Variants in PEX5L observed in about 807,000 individuals in gnomAD.
PEX5L encodes the protein peroxisomal biogenesis factor 5 like, also known as PEX5-related protein.
In PEX5L, 30 loss-of-function variants were observed where a neutral mutation model predicts 84.0. That is an observed-to-expected ratio of 0.36 (90% CI 0.27 to 0.48). The LOEUF (loss-of-function observed/expected upper bound fraction) is 0.48, where lower values mean the gene tolerates loss of function less well. Among genes scored for constraint, PEX5L ranks in the 20% least tolerant of loss-of-function variants. PEX5L has a pLI of 0.99. For missense variants in PEX5L, 533 were observed against 754.6 expected (o/e 0.71, Z 3.44); for synonymous variants, 270 against 283.1 (o/e 0.95, Z 0.46).
At position 179,989,149 on chromosome 3, in the gene PEX5L, T is replaced by C. The variant is rs189454588; in HGVS notation, c.22-17484A>G. ...ATGGAACAGAGCTAAGTTGTCTGGT[T>C]CTACCCACTATAGGCAGACAGGGAC... is the stretch of plus-strand genomic sequence containing the variant. On this transcript the variant is annotated intron_variant, in intron 1 of 14. Coordinates refer to ENST00000467460, the MANE Select transcript of PEX5L (RefSeq NM_016559.3). Among the ~76,000 whole-genome samples the C allele has an allele frequency of 1.9e-3, 290 of 152,280 alleles. 1 individual carries two copies. The highest frequency in any genetic ancestry group is 6.6e-3 in the African/African-American group (274 of 41,552).
At chr3:179,828,505 C>A (rs1279370565) in intron 8 of PEX5L, among the ~76,000 whole-genome samples, 1 of 152,122 alleles carries the variant, frequency 6.6e-6, no homozygotes, top group Non-Finnish European at 1.5e-5. Context: ...ACCTGCCTGG[C>A]CCTGTAGCCA....
chr3:179,888,208 T>C, intron 3 of PEX5L: 4 of 1,276,076 alleles, frequency 3.1e-6, no homozygotes, highest in South Asian at 2.5e-5. Flanking sequence ...TCAGTGTTTA[T>C]GTGGGGAGTG....
intron 2 of PEX5L, among the ~76,000 whole-genome samples, chr3:179,967,833 G>A (rs1381615491): frequency 6.6e-6 from 1 of 152,176 alleles, no homozygotes; most frequent in Non-Finnish European, 1.5e-5. Flanking sequence ...ACTTAGAAAT[G>A]CAAATTGTCA....
At chr3:179,891,010 T>C (rs1757457432) in intron 3 of PEX5L, among the ~76,000 whole-genome samples, 2 of 151,854 alleles carry the variant, frequency 1.3e-5, no homozygotes, top group South Asian at 2.1e-4. Context: ...ATTCAAACTT[T>C]GGACAAATTT....
At chr3:179,969,082 A>G (rs1297199901) in intron 2 of PEX5L, among the ~76,000 whole-genome samples, 1 of 152,048 alleles carries the variant, frequency 6.6e-6, no homozygotes, top group Non-Finnish European at 1.5e-5. Context: ...TGACTGATAA[A>G]ATGGCATATA....
At chr3:179,933,269 G>A (rs905220906) in intron 2 of PEX5L, among the ~76,000 whole-genome samples, 1 of 152,118 alleles carries the variant, frequency 6.6e-6, no homozygotes, top group African/African-American at 2.4e-5. Flanking sequence ...CCAGGAAATC[G>A]ACAGCCAGTC....
chr3:179,931,185 T>C (rs184390368), intron 2 of PEX5L, among the ~76,000 whole-genome samples: 1 of 152,354 alleles, frequency 6.6e-6, no homozygotes, highest in African/African-American at 2.4e-5. Flanking sequence ...GTGTCTATTG[T>C]TGTGTTCAAG....
intron 7 of PEX5L, among the ~76,000 whole-genome samples, chr3:179,870,689 G>C (rs963871387): frequency 6.6e-6 from 1 of 152,100 alleles, no homozygotes; most frequent in Non-Finnish European, 1.5e-5. Context: ...GGATATTTAG[G>C]CTCCAATCAT....
chr3:180,007,362 C>T (rs1032666485), intron 1 of PEX5L, among the ~76,000 whole-genome samples: 2 of 152,252 alleles, frequency 1.3e-5, no homozygotes, highest in Admixed American at 1.3e-4. Flanking sequence ...TTGCAGGGTA[C>T]AGCCTCCCTC....
chr3:180,006,572 A>G (rs148728306), intron 1 of PEX5L, among the ~76,000 whole-genome samples: 3 of 152,258 alleles, frequency 2.0e-5, no homozygotes, highest in African/African-American at 4.8e-5. Context: ...ATTTCTTGTG[A>G]ATTAGTCCGT....
At chr3:179,893,599 G>A (rs968726768) in intron 3 of PEX5L, among the ~76,000 whole-genome samples, 1 of 152,064 alleles carries the variant, frequency 6.6e-6, no homozygotes, top group Non-Finnish European at 1.5e-5. Flanking sequence ...CATTGTAGAT[G>A]ATAAAACAAT....
At chr3:179,838,198 C>CT (rs1735722325) in intron 8 of PEX5L, among the ~76,000 whole-genome samples, 3 of 151,952 alleles carry the variant, frequency 2.0e-5, no homozygotes, top group Non-Finnish European at 2.9e-5. Flanking sequence ...GTACTAATAA[C>CT]GTTTTTTTCC....
At chr3:179,857,894 G>A (rs898738220) in intron 8 of PEX5L, among the ~76,000 whole-genome samples, 1 of 152,076 alleles carries the variant, frequency 6.6e-6, no homozygotes, top group African/African-American at 2.4e-5. Context: ...TCACATTCAA[G>A]AGCACTAAAT....
chr3:179,926,686 G>C (rs1048478151), intron 2 of PEX5L, among the ~76,000 whole-genome samples: 3 of 152,190 alleles, frequency 2.0e-5, no homozygotes, highest in African/African-American at 7.2e-5. Flanking sequence ...CTAGAATGAG[G>C]CTGTTCAGGA....
chr3:180,016,539 A>G (rs1441722717), intron 1 of PEX5L, among the ~76,000 whole-genome samples: 2 of 152,214 alleles, frequency 1.3e-5, no homozygotes, highest in Non-Finnish European at 2.9e-5. Flanking sequence ...AATGAACAAT[A>G]CAGAAAATTC....
At chr3:179,865,390 C>T (rs1023267422) in intron 7 of PEX5L, among the ~76,000 whole-genome samples, 1 of 151,944 alleles carries the variant, frequency 6.6e-6, no homozygotes, top group Non-Finnish European at 1.5e-5. Context: ...GATTAGTATG[C>T]GGTTAAAGAT....
intron 1 of PEX5L, among the ~76,000 whole-genome samples, chr3:179,984,553 T>C (rs1284538714): frequency 1.3e-5 from 2 of 152,180 alleles, no homozygotes; most frequent in Admixed American, 1.3e-4. Flanking sequence ...CAGAAGGATA[T>C]AGACGCATGG....
chr3:179,833,430 A>G (rs1277365631), intron 8 of PEX5L, among the ~76,000 whole-genome samples: 1 of 152,216 alleles, frequency 6.6e-6, no homozygotes, highest in East Asian at 1.9e-4. Context: ...CATTAATGCA[A>G]TCTTGCTTCC....
At chr3:179,888,104 C>T in intron 3 of PEX5L, 2 of 1,270,578 alleles carry the variant, frequency 1.6e-6, no homozygotes, top group Non-Finnish European at 2.1e-6. Flanking sequence ...TGCTAAGGGC[C>T]AATCCCACTC....
Sources: gnomAD v4.1 joint callset for allele counts (sites outside exome capture counted in the v4.1 genomes callset) on GRCh38, gnomAD v4.1.1 for gene constraint, MANE v1.5 for transcripts, NCBI Gene and HGNC (gene_info 2026-07-23, HGNC 2026-07-21) for gene names.